Variants in PLEKHM3 observed in about 807,000 individuals in gnomAD.
The protein encoded by PLEKHM3 is pleckstrin homology domain-containing family M member 3.
A neutral mutation model predicts 81.8 loss-of-function variants in PLEKHM3; 45 were observed. That is an observed-to-expected ratio of 0.55 (90% CI 0.43 to 0.71). The LOEUF (loss-of-function observed/expected upper bound fraction) is 0.71. PLEKHM3 is among the 30% of genes least tolerant of loss of function. The probability of loss-of-function intolerance (pLI) is 0.00; values close to 1 mark genes in which losing one functional copy is unlikely to be tolerated. For missense variants in PLEKHM3, 788 were observed against 924.3 expected (o/e 0.85, Z 1.91); for synonymous variants, 352 against 356.4 (o/e 0.99, Z 0.14).
intron 2 of PLEKHM3, among the ~76,000 whole-genome samples, chr2:207,984,432 C>T (rs1377085966): frequency 6.6e-6 from 1 of 151,896 alleles, no homozygotes; most frequent in East Asian, 1.9e-4. Context: ...GCTCTGTTGC[C>T]CAGGCTTGAG....
chr2:207,887,121 C>T (rs990319984), intron 6 of PLEKHM3, among the ~76,000 whole-genome samples: 1 of 152,128 alleles, frequency 6.6e-6, no homozygotes, highest in Non-Finnish European at 1.5e-5. Context: ...TTGGGAAACA[C>T]CAAATTAGGA....
intron 5 of PLEKHM3, among the ~76,000 whole-genome samples, chr2:207,920,224 ACTAAAC>A (rs1689135261): frequency 6.6e-6 from 1 of 152,198 alleles, no homozygotes; most frequent in Non-Finnish European, 1.5e-5. Flanking sequence ...TAAGTCAAGG[ACTAAAC>A]CTGACAAACA....
At chr2:207,923,667 G>C (rs929045816) in intron 5 of PLEKHM3, among the ~76,000 whole-genome samples, 1 of 151,284 alleles carries the variant, frequency 6.6e-6, no homozygotes, top group South Asian at 2.1e-4. Flanking sequence ...TGAGAGTAGA[G>C]ACAAGGGGGA....
intron 6 of PLEKHM3, among the ~76,000 whole-genome samples, chr2:207,879,893 T>C (rs1430871800): frequency 1.3e-5 from 2 of 152,196 alleles, no homozygotes; most frequent in Non-Finnish European, 2.9e-5. Flanking sequence ...ATTTGAACAT[T>C]TGGTACATGT....
intron 3 of PLEKHM3, among the ~76,000 whole-genome samples, chr2:207,951,994 T>C (rs1218612977): frequency 6.6e-6 from 1 of 152,184 alleles, no homozygotes; most frequent in Non-Finnish European, 1.5e-5. Context: ...CAGTGCTAAG[T>C]GTGGTCAGTT....
At chr2:208,013,109 G>A (rs761909574) in intron 1 of PLEKHM3, among the ~76,000 whole-genome samples, 14 of 152,190 alleles carry the variant, frequency 9.2e-5, no homozygotes, top group Admixed American at 1.3e-4. Flanking sequence ...AGAATTTTAA[G>A]TAACAGAACA....
At chr2:207,953,174 T>C (rs1296763369) in intron 3 of PLEKHM3, among the ~76,000 whole-genome samples, 1 of 152,218 alleles carries the variant, frequency 6.6e-6, no homozygotes, top group Non-Finnish European at 1.5e-5. Flanking sequence ...TAGTATGGCA[T>C]GCAGCTGATA....
intron 3 of PLEKHM3, among the ~76,000 whole-genome samples, chr2:207,962,747 C>G (rs1003359251): frequency 7.2e-5 from 11 of 152,020 alleles, no homozygotes; most frequent in African/African-American, 2.7e-4. Context: ...AGATTATGTG[C>G]AAATAAACCG....
chr2:207,986,336 C>A (rs563261586), intron 2 of PLEKHM3, among the ~76,000 whole-genome samples: 1 of 152,186 alleles, frequency 6.6e-6, no homozygotes, highest in Admixed American at 6.5e-5. Flanking sequence ...TAGACAGGCT[C>A]ACCCGGACTG....
intron 4 of PLEKHM3, among the ~76,000 whole-genome samples, chr2:207,943,671 A>T (rs949575826): frequency 1.3e-5 from 2 of 152,022 alleles, no homozygotes; most frequent in African/African-American, 4.8e-5. Flanking sequence ...GATCGAGACC[A>T]TCCCGGCTAG....
rs75092404 is a variant in PLEKHM3, at chr2:207,917,905, T to G, written c.1887-9328A>C. On this transcript the variant is annotated intron_variant, in intron 5 of 7. Coordinates refer to ENST00000427836, the MANE Select transcript of PLEKHM3 (RefSeq NM_001080475.3). ...ACTGCCCTCCTAGAGCAAGTGTATT[T>G]GATTTACAATAGCATGCAATCTTTT... Among the ~76,000 whole-genome samples, 580 of 152,284 alleles carry G rather than the reference T, an allele frequency of 3.8e-3. 7 individuals are homozygous for G. In the East Asian group the frequency reaches 0.046, roughly 12 times the overall value.
chr2:207,926,471 A>C (rs1689397684), intron 5 of PLEKHM3, among the ~76,000 whole-genome samples: 2 of 152,110 alleles, frequency 1.3e-5, no homozygotes, highest in African/African-American at 4.8e-5. Flanking sequence ...AGCAGTTCTT[A>C]ACGTCCCTCC....
chr2:207,975,306 G>A (rs1428602956), intron 3 of PLEKHM3, among the ~76,000 whole-genome samples: 1 of 152,084 alleles, frequency 6.6e-6, no homozygotes, highest in Admixed American at 6.5e-5. Context: ...AGTTCAAAAC[G>A]TGGGTTTTCA....
At chr2:207,928,478 T>A (rs72966908) in intron 5 of PLEKHM3, among the ~76,000 whole-genome samples, 409 of 152,378 alleles carry the variant, frequency 2.7e-3, no homozygotes, top group Non-Finnish European at 4.5e-3. Flanking sequence ...GATAAGAAAG[T>A]GATATTAATA....
At chr2:207,913,315 T>C (rs1559233857) in intron 5 of PLEKHM3, among the ~76,000 whole-genome samples, 1 of 152,102 alleles carries the variant, frequency 6.6e-6, no homozygotes. Context: ...GGGCACATGC[T>C]GGGAAATGAG....
chr2:207,978,805 G>C (rs1240047910), intron 2 of PLEKHM3, among the ~76,000 whole-genome samples: 2 of 152,182 alleles, frequency 1.3e-5, no homozygotes, highest in East Asian at 1.9e-4. Context: ...GCCTGAGTCA[G>C]TATCAGGTAT....
chr2:207,858,182 T>A (rs144070570), intron 7 of PLEKHM3, among the ~76,000 whole-genome samples: 32,962 of 123,356 alleles, frequency 0.27, 4,340 homozygotes, highest in Non-Finnish European at 0.3. Flanking sequence ...GTGTATATAT[T>A]TTTTTTTTTG....
intron 1 of PLEKHM3, among the ~76,000 whole-genome samples, chr2:208,007,864 G>A (rs1004058084): frequency 2.0e-5 from 3 of 152,136 alleles, no homozygotes; most frequent in Non-Finnish European, 4.4e-5. Context: ...GACCATCCTG[G>A]CTAACATGGT....
At chr2:207,940,583 G>A (rs1263572264) in intron 4 of PLEKHM3, among the ~76,000 whole-genome samples, 1 of 152,160 alleles carries the variant, frequency 6.6e-6, no homozygotes, top group African/African-American at 2.4e-5. Context: ...GAGGCTCTAG[G>A]AAATTCAAGC....
Sources: allele counts gnomAD v4.1 joint callset (sites outside exome capture counted in the v4.1 genomes callset), GRCh38; gene constraint gnomAD v4.1.1; transcripts MANE v1.5; gene names NCBI Gene and HGNC (gene_info 2026-07-23, HGNC 2026-07-21).